The following GNG7 variants were observed in gnomAD, a reference collection of about 807,000 sequenced individuals.
GNG7 encodes G protein subunit gamma 7.
In GNG7, 1 loss-of-function variant was observed where a neutral mutation model predicts 4.0. The ratio of observed to expected loss-of-function variants is 0.25; its 90% confidence interval spans 0.09 to 1.18. The LOEUF is 1.18. Among genes scored for constraint, GNG7 ranks in the 50% most tolerant of loss-of-function variants. The probability of loss-of-function intolerance (pLI) is 0.50; values close to 1 mark genes in which losing one functional copy is unlikely to be tolerated. For synonymous variants in GNG7, 34 were observed against 36.9 expected (o/e 0.92, Z 0.29); for missense variants, 86 against 91.9 (o/e 0.94, Z 0.26).
intron 2 of GNG7, among the ~76,000 whole-genome samples, chr19:2,637,852 G>A (rs1982357532): frequency 1.3e-5 from 2 of 152,180 alleles, no homozygotes; most frequent in South Asian, 2.1e-4. Flanking sequence ...GAGACCCCCC[G>A]GGTTAGGGGA....
intron 1 of GNG7, among the ~76,000 whole-genome samples, chr19:2,668,343 T>A (rs192678384): frequency 3.3e-5 from 5 of 151,922 alleles, no homozygotes; most frequent in Non-Finnish European, 2.9e-5. Flanking sequence ...AATAATGAGA[T>A]GATTATGTAA....
intron 4 of GNG7, among the ~76,000 whole-genome samples, chr19:2,520,009 G>A (rs1978299497): frequency 6.6e-6 from 1 of 152,042 alleles, no homozygotes; most frequent in Admixed American, 6.6e-5. Flanking sequence ...GCGAAACGCC[G>A]TCTCTACTAA....
chr19:2,645,026 A>G (rs1383058295), intron 2 of GNG7, among the ~76,000 whole-genome samples: 1 of 152,216 alleles, frequency 6.6e-6, no homozygotes, highest in African/African-American at 2.4e-5. Context: ...ATGCATTTTT[A>G]AGGTACACAT....
intron 2 of GNG7, among the ~76,000 whole-genome samples, chr19:2,570,060 TC>T (rs149436951): frequency 0.12 from 17,104 of 147,524 alleles, 1,120 homozygotes; most frequent in South Asian, 0.18. Context: ...GGGAGGGGGG[TC>T]CCTCATGGCT....
Position 2,554,489 on chromosome 19 carries a change from G to A in GNG7, c.-38+660C>T, listed in dbSNP as rs139930468. ...CTCCTGAGTAGCTGGGACTACAGGC[G>A]CACGCCACTGTGTATACATATATAT... On this transcript the variant is annotated intron_variant, in intron 3 of 4. Coordinates refer to ENST00000382159, the MANE Select transcript of GNG7 (RefSeq NM_052847.3). Among the ~76,000 whole-genome samples, 561 of 148,918 alleles carry A rather than the reference G, an allele frequency of 3.8e-3. 3 individuals carry two copies. Among genetic ancestry groups the A allele is most frequent in the South Asian group, 0.024 (114 of 4,752 alleles).
intron 3 of GNG7, among the ~76,000 whole-genome samples, chr19:2,524,272 G>A (rs1236835334): frequency 6.6e-6 from 1 of 152,236 alleles, no homozygotes; most frequent in Non-Finnish European, 1.5e-5. Flanking sequence ...CCTGCGAGAT[G>A]CTGCCTTTGG....
intron 1 of GNG7, among the ~76,000 whole-genome samples, chr19:2,684,398 G>C (rs559556915): frequency 2.0e-5 from 3 of 151,832 alleles, no homozygotes; most frequent in African/African-American, 7.2e-5. Context: ...GGCTCCCAAA[G>C]TGCTGGGATG....
At chr19:2,625,375 G>A (rs1568266490) in intron 2 of GNG7, among the ~76,000 whole-genome samples, 1 of 152,046 alleles carries the variant, frequency 6.6e-6, no homozygotes, top group Non-Finnish European at 1.5e-5. Flanking sequence ...CCCAGCCAGG[G>A]TTTTTATTTT....
At position 2,602,209 on chromosome 19, in the gene GNG7, C is replaced by T. The variant is rs1320330473; in HGVS notation, c.-78+44015G>A. The stretch of plus-strand genomic sequence containing the variant: ...AAAATTAGCCGGGCGTGGTGGTGCA[C>T]GCCTGTAATCTCAGCTACTTGGGAG... On this transcript the variant is annotated intron_variant, in intron 2 of 4. Transcript: ENST00000382159. Among the ~76,000 whole-genome samples the T allele has an allele frequency of 4.6e-5, 7 of 152,250 alleles. No homozygotes were observed. The South Asian group carries it at 6.2e-4, about 14-fold the overall frequency.
chr19:2,697,673 G>A (rs762241906), intron 1 of GNG7, among the ~76,000 whole-genome samples: 12 of 152,174 alleles, frequency 7.9e-5, no homozygotes, highest in Admixed American at 2.6e-4. Flanking sequence ...AGGACACAGC[G>A]GCCGGGCGCG....
intron 1 of GNG7, among the ~76,000 whole-genome samples, chr19:2,651,507 G>GTCTCTCTCTTTTCTT (rs150518174): frequency 0.036 from 4,836 of 135,498 alleles, 170 homozygotes; most frequent in African/African-American, 0.08. Flanking sequence ...GTCTTCCTTT[G>GTCTCTCTCTTTTCTT]TCTCTCTCTT....
intron 1 of GNG7, among the ~76,000 whole-genome samples, chr19:2,682,655 C>CAAAAAAAA (rs745799326): frequency 1.6e-5 from 1 of 64,354 alleles, no homozygotes; most frequent in African/African-American, 7.3e-5. Flanking sequence ...GACTCCATCT[C>CAAAAAAAA]AAAAAAAAAA....
intron 1 of GNG7, among the ~76,000 whole-genome samples, chr19:2,685,564 G>A (rs911286486): frequency 2.6e-5 from 4 of 152,182 alleles, no homozygotes; most frequent in African/African-American, 7.2e-5. Context: ...GGCAGAGGCT[G>A]CAGGGAGCTG....
At position 2,602,003 on chromosome 19, in the gene GNG7, T is replaced by C. The variant is rs141315333; in HGVS notation, c.-78+44221A>G. ...TCCTTCCAGAATCTGCAAGCAGCACTGTGGAGGCACCCTGGGGAAGAAAGT... is the reference window on the plus strand; with the variant it reads ...TCCTTCCAGAATCTGCAAGCAGCACCGTGGAGGCACCCTGGGGAAGAAAGT... On this transcript the variant is annotated intron_variant, in intron 2 of 4. Coordinates refer to ENST00000382159, the MANE Select transcript of GNG7 (RefSeq NM_052847.3). 6.7e-3 allele frequency among the ~76,000 whole-genome samples: 1,015 copies of C among 151,818 alleles called. 15 individuals carry two copies. The highest frequency in any genetic ancestry group is 0.024 in the African/African-American group (981 of 41,380).
chr19:2,571,339 C>A (rs1325163110), intron 2 of GNG7, among the ~76,000 whole-genome samples: 2 of 152,056 alleles, frequency 1.3e-5, no homozygotes, highest in Non-Finnish European at 2.9e-5. Context: ...TCCATACCTA[C>A]GAATTTATTG....
At chr19:2,638,602 G>C (rs1358558539) in intron 2 of GNG7, among the ~76,000 whole-genome samples, 2 of 149,660 alleles carry the variant, frequency 1.3e-5, no homozygotes, top group Non-Finnish European at 3.0e-5. Flanking sequence ...TCCCTCCTGG[G>C]CACTGTAGAC....
chr19:2,638,892 A>C (rs1982406434), intron 2 of GNG7, among the ~76,000 whole-genome samples: 1 of 152,172 alleles, frequency 6.6e-6, no homozygotes, highest in Non-Finnish European at 1.5e-5. Flanking sequence ...TAATCTTAAA[A>C]TTTGGAAGAG....
intron 2 of GNG7, among the ~76,000 whole-genome samples, chr19:2,604,295 C>T (rs1402905941): frequency 1.3e-5 from 2 of 151,760 alleles, no homozygotes; most frequent in Non-Finnish European, 2.9e-5. Flanking sequence ...CATAGCAAGA[C>T]CCCATCACTA....
At chr19:2,518,054 G>C (rs947524829) in intron 4 of GNG7, among the ~76,000 whole-genome samples, 1 of 152,206 alleles carries the variant, frequency 6.6e-6, no homozygotes, top group South Asian at 2.1e-4. Flanking sequence ...ATAGCCTCCA[G>C]ACCCCGAAAA....
Sources: allele counts gnomAD v4.1 joint callset (sites outside exome capture counted in the v4.1 genomes callset), GRCh38; gene constraint gnomAD v4.1.1; transcripts MANE v1.5; gene names NCBI Gene and HGNC (gene_info 2026-07-23, HGNC 2026-07-21).